BACH2: variants seen among roughly 807,000 people sequenced by gnomAD.
The protein encoded by BACH2 is BACH transcriptional regulator 2.
A neutral mutation model predicts 61.8 loss-of-function variants in BACH2; 5 were observed. The ratio of observed to expected loss-of-function variants is 0.08; its 90% CI spans 0.04 to 0.17. The LOEUF (loss-of-function observed/expected upper bound fraction) is 0.17. Among genes scored for constraint, BACH2 ranks in the 10% least tolerant of loss-of-function variants. The pLI, the probability that BACH2 is intolerant of heterozygous loss-of-function variation, is 1.00. For missense variants in BACH2, 824 were observed against 1,091.1 expected (o/e 0.76, Z 3.45); for synonymous variants, 446 against 440.1 (o/e 1.01, Z -0.17).
intron 1 of BACH2, among the ~76,000 whole-genome samples, chr6:90,281,068 G>A (rs1771844328): frequency 6.6e-6 from 1 of 152,152 alleles, no homozygotes; most frequent in Non-Finnish European, 1.5e-5. Flanking sequence ...CTTGGGACAA[G>A]ACATAGCATC....
At chr6:90,024,257 C>T (rs1028469712) in intron 5 of BACH2, among the ~76,000 whole-genome samples, 5 of 152,092 alleles carry the variant, frequency 3.3e-5, no homozygotes, top group Admixed American at 1.3e-4. Flanking sequence ...TCCTAGGGTG[C>T]GCTTTGGGCT....
At chr6:90,225,108 G>A (rs900289193) in intron 3 of BACH2, among the ~76,000 whole-genome samples, 7 of 151,004 alleles carry the variant, frequency 4.6e-5, no homozygotes, top group Non-Finnish European at 7.4e-5. Context: ...AACAAGGTTG[G>A]GCATGCTGGC....
intron 5 of BACH2, among the ~76,000 whole-genome samples, chr6:90,076,862 T>A (rs1366920360): frequency 6.6e-6 from 1 of 152,176 alleles, no homozygotes; most frequent in Non-Finnish European, 1.5e-5. Context: ...GTTAAAATAC[T>A]CTCATTAGAT....
At chr6:90,072,344 A>C (rs1251302571) in intron 5 of BACH2, among the ~76,000 whole-genome samples, 2 of 152,210 alleles carry the variant, frequency 1.3e-5, no homozygotes, top group Admixed American at 1.3e-4. Flanking sequence ...AAGGTCACTC[A>C]GGGCCACAGG....
intron 5 of BACH2, among the ~76,000 whole-genome samples, chr6:90,024,168 CA>C (rs1778518341): frequency 6.6e-6 from 1 of 152,010 alleles, no homozygotes; most frequent in Non-Finnish European, 1.5e-5. Flanking sequence ...CCAGCTCCCC[CA>C]AATTAAAGAC....
intron 4 of BACH2, among the ~76,000 whole-genome samples, chr6:90,133,309 T>C (rs970202945): frequency 1.3e-5 from 2 of 152,082 alleles, no homozygotes; most frequent in Non-Finnish European, 2.9e-5. Context: ...TCAGCAGAGA[T>C]GTAACTGGCC....
chr6:90,054,718 C>A (rs563719623), intron 5 of BACH2, among the ~76,000 whole-genome samples: 2 of 152,278 alleles, frequency 1.3e-5, no homozygotes, highest in Non-Finnish European at 2.9e-5. Context: ...CTGGGAGGCA[C>A]CCCCCAGTAG....
At chr6:90,038,464 ATGTTGTTG>A (rs1779370856) in intron 5 of BACH2, among the ~76,000 whole-genome samples, 1 of 152,146 alleles carries the variant, frequency 6.6e-6, no homozygotes, top group South Asian at 2.1e-4. Flanking sequence ...AGGTTCATCC[ATGTTGTTG>A]TGTATAAGAG....
chr6:90,142,717 T>C (rs16882444), intron 4 of BACH2, among the ~76,000 whole-genome samples: 7,260 of 152,288 alleles, frequency 0.048, 178 homozygotes, highest in Middle Eastern at 0.082. Flanking sequence ...ACATAAAATC[T>C]CTATAAAGTC....
intron 5 of BACH2, among the ~76,000 whole-genome samples, chr6:90,067,367 G>C (rs1781014040): frequency 6.6e-6 from 1 of 152,188 alleles, no homozygotes; most frequent in Non-Finnish European, 1.5e-5. Context: ...TTGAATGCCA[G>C]GAAGGGGAGC....
At chr6:90,065,342 G>C (rs969467672) in intron 5 of BACH2, among the ~76,000 whole-genome samples, 2 of 134,402 alleles carry the variant, frequency 1.5e-5, no homozygotes, top group African/African-American at 5.5e-5. Context: ...CTAGCCTCCT[G>C]GAGGATGAGA....
At position 90,004,702 on chromosome 6, in the gene BACH2, C is replaced by T. The variant is rs115018463; in HGVS notation, c.243+3900G>A. ...CTTCCGTCATGGCTGGCATCCAGCC[C>T]GAAATGGCCTCCATGACTATAGCTA... On this transcript the variant is annotated intron_variant, in intron 6 of 8. Coordinates refer to ENST00000257749, the MANE Select transcript of BACH2 (RefSeq NM_021813.4). Among the ~76,000 whole-genome samples, 270 of 152,234 alleles carry T rather than the reference C, an allele frequency of 1.8e-3. 3 individuals carry two copies. The highest frequency in any genetic ancestry group is 5.9e-3 in the African/African-American group (247 of 41,526).
At chr6:89,998,376 A>T (rs1359995039) in intron 6 of BACH2, among the ~76,000 whole-genome samples, 3 of 152,244 alleles carry the variant, frequency 2.0e-5, no homozygotes, top group African/African-American at 7.2e-5. Flanking sequence ...CCGCATTACT[A>T]GCTGGCTTGG....
intron 3 of BACH2, among the ~76,000 whole-genome samples, chr6:90,224,904 C>T (rs1233419029): frequency 5.3e-5 from 8 of 152,164 alleles, no homozygotes; most frequent in Non-Finnish European, 1.0e-4. Flanking sequence ...AACAAAACTG[C>T]AGAAAGTGTT....
chr6:90,132,730 T>C (rs1784120422), intron 4 of BACH2, among the ~76,000 whole-genome samples: 1 of 152,208 alleles, frequency 6.6e-6, no homozygotes, highest in Non-Finnish European at 1.5e-5. Flanking sequence ...ATGGTTTTCC[T>C]GGGCTTACAA....
At chr6:90,107,418 A>ATAG (rs1436217780) in intron 4 of BACH2, among the ~76,000 whole-genome samples, 1 of 152,174 alleles carries the variant, frequency 6.6e-6, no homozygotes, top group African/African-American at 2.4e-5. Flanking sequence ...ACCCCATGTT[A>ATAG]TAGCCAACAA....
intron 4 of BACH2, among the ~76,000 whole-genome samples, chr6:90,200,146 T>G (rs998761325): frequency 5.9e-5 from 9 of 152,164 alleles, no homozygotes; most frequent in African/African-American, 2.2e-4. Context: ...AACACCGTTG[T>G]GTATAGTCAA....
rs74393746 is a variant in BACH2, at chr6:90,011,304, T to G, written c.-12-2448A>C. On this transcript the variant is annotated intron_variant, in intron 5 of 8. Transcript: ENST00000257749. ...ATCATTCCCGCAGCATTGTTAAAAA[T>G]ACTCTTTTCTCTCCTGAATTACCTT... Among the ~76,000 whole-genome samples, 866 of 152,364 alleles carry G rather than the reference T, an allele frequency of 5.7e-3. 18 individuals are homozygous for G. The East Asian group carries it at 0.085, about 15-fold the overall frequency.
At chr6:90,110,263 G>A (rs1332036405) in intron 4 of BACH2, among the ~76,000 whole-genome samples, 1 of 152,210 alleles carries the variant, frequency 6.6e-6, no homozygotes, top group East Asian at 1.9e-4. Flanking sequence ...AAATCAACAA[G>A]TGGTAGCTTT....
Sources: allele counts gnomAD v4.1 joint callset (sites outside exome capture counted in the v4.1 genomes callset), GRCh38; gene constraint gnomAD v4.1.1; transcripts MANE v1.5; gene names NCBI Gene and HGNC (gene_info 2026-07-23, HGNC 2026-07-21).